The following CRACDL variants were observed in gnomAD, a reference collection of about 807,000 sequenced individuals.
CRACDL encodes the protein CRACD-like protein.
CRACDL carries 26 observed loss-of-function variants against 70.6 expected under a neutral mutation model. The observed-to-expected ratio is 0.37, with a 90% CI of 0.27 to 0.51. The LOEUF (loss-of-function observed/expected upper bound fraction) is 0.51. Among genes scored for constraint, CRACDL ranks in the 20% least tolerant of loss-of-function variants. The pLI, the probability that CRACDL is intolerant of heterozygous loss-of-function variation, is 0.94. For missense variants in CRACDL, 1,283 were observed against 1,376.9 expected, an observed-to-expected ratio of 0.93 and a Z score of 1.08; for synonymous variants, 618 against 615.2, an observed-to-expected ratio of 1.00 and a Z score of -0.07.
chr2:98,915,817 G>T (rs1708650534), intron 1 of CRACDL, among the ~76,000 whole-genome samples: 1 of 152,066 alleles, frequency 6.6e-6, no homozygotes, highest in African/African-American at 2.4e-5. Flanking sequence ...CAATTACTAA[G>T]CACATCCGCT....
At chr2:98,878,761 G>A (rs1707556323) in intron 1 of CRACDL, among the ~76,000 whole-genome samples, 1 of 152,136 alleles carries the variant, frequency 6.6e-6, no homozygotes, top group Non-Finnish European at 1.5e-5. Flanking sequence ...TATTGTAGTG[G>A]CAAACGCATG....
At chr2:98,808,789 C>T (rs1322733312) in intron 7 of CRACDL, among the ~76,000 whole-genome samples, 1 of 152,216 alleles carries the variant, frequency 6.6e-6, no homozygotes, top group African/African-American at 2.4e-5. Context: ...GGTGAGTGCA[C>T]AGAGGGTCTC....
At chr2:98,832,280 T>C in intron 5 of CRACDL, 68 bp downstream of exon 5, 1 of 1,554,318 alleles carries the variant, frequency 6.4e-7, no homozygotes, top group Non-Finnish European at 8.9e-7. Flanking sequence ...ACACAGGGGA[T>C]CTCAGAGCTC....
At chr2:98,803,005 T>TC (rs1426064000) in intron 7 of CRACDL, among the ~76,000 whole-genome samples, 245 of 150,626 alleles carry the variant, frequency 1.6e-3, no homozygotes, top group Middle Eastern at 6.9e-3. Context: ...TGGCTTTTTT[T>TC]TTTTTTTTTT....
At chr2:98,815,624 C>T (rs1376555568) in intron 7 of CRACDL, among the ~76,000 whole-genome samples, 1 of 152,160 alleles carries the variant, frequency 6.6e-6, no homozygotes, top group African/African-American at 2.4e-5. Context: ...GGGGTAATGT[C>T]TAAAGAGTCA....
At chr2:98,881,624 T>C (rs1217330550) in intron 1 of CRACDL, among the ~76,000 whole-genome samples, 3 of 152,162 alleles carry the variant, frequency 2.0e-5, no homozygotes, top group Non-Finnish European at 4.4e-5. Context: ...GTGACCCTCG[T>C]GTCATCAGGG....
At chr2:98,832,652 C>A in intron 4 of CRACDL, 140 bp from the exon 5 acceptor site, 1 of 1,008,736 alleles carries the variant, frequency 9.9e-7, no homozygotes, top group Non-Finnish European at 1.5e-6. Context: ...CGTGCATCTG[C>A]CACCAGCTCT....
At chr2:98,909,267 T>C (rs1228481106) in intron 1 of CRACDL, among the ~76,000 whole-genome samples, 1 of 152,226 alleles carries the variant, frequency 6.6e-6, no homozygotes, top group Non-Finnish European at 1.5e-5. Flanking sequence ...TTGCATTTGA[T>C]TCCCAGTGCT....
At chr2:98,852,997 A>AGAGGG (rs1251441370) in intron 1 of CRACDL, among the ~76,000 whole-genome samples, 1 of 78,460 alleles carries the variant, frequency 1.3e-5, no homozygotes, top group East Asian at 4.3e-4. Context: ...GAGAGGGAGG[A>AGAGGG]GAGGGGAGGG....
intron 1 of CRACDL, among the ~76,000 whole-genome samples, chr2:98,863,980 T>C (rs1046845967): frequency 1.3e-5 from 2 of 151,888 alleles, no homozygotes; most frequent in African/African-American, 4.8e-5. Flanking sequence ...GTTCTGGGGG[T>C]GGACAGTGAT....
chr2:98,838,552 C>T (rs943884342), intron 2 of CRACDL, among the ~76,000 whole-genome samples: 3 of 152,120 alleles, frequency 2.0e-5, no homozygotes, highest in Non-Finnish European at 2.9e-5. Context: ...TCAAAATTAG[C>T]AACTTTCCTC....
At chr2:98,846,103 G>A (rs1020338139) in intron 2 of CRACDL, among the ~76,000 whole-genome samples, 6 of 152,162 alleles carry the variant, frequency 3.9e-5, no homozygotes, top group Non-Finnish European at 8.8e-5. Context: ...TAGAGAAAAG[G>A]TACATTGTGG....
rs34640405 is a variant in CRACDL, at chr2:98,819,815, C to CTTTT, written c.2416+2038_2416+2041dup. Among the ~76,000 whole-genome samples the CTTTT allele has an allele frequency of 4.9e-3, 482 of 98,988 alleles. 4 individuals are homozygous for CTTTT. Among genetic ancestry groups the CTTTT allele is most frequent in the Non-Finnish European group, 6.1e-3 (315 of 51,940 alleles). 64.9% of individuals were successfully genotyped at this position (98,988 alleles called of 152,430 possible). A position where few individuals can be genotyped will look rare whatever the true frequency, so the allele number is the denominator to read the frequency against. On this transcript the variant is annotated intron_variant, in intron 7 of 9. Transcript: ENST00000397899. Reference sequence around the variant, plus strand: ...CACTGCTTGAGTAGCCTGAAACATTCTTTTTTTTTTTTTTTTTTTTTTGAG... The same window carrying CTTTT: ...CACTGCTTGAGTAGCCTGAAACATTCTTTTTTTTTTTTTTTTTTTTTTTTTTGAG...
rs1019746440 is a variant in CRACDL, at chr2:98,798,863, T to C, written c.2417-1326A>G. Among the ~76,000 whole-genome samples, 11 of 152,166 alleles carry C rather than the reference T, an allele frequency of 7.2e-5. No individual in the cohort carries two copies. The South Asian group carries it at 2.3e-3, about 32-fold the overall frequency. Reference sequence around the variant, plus strand: ...TGCACCATCACGCCCAGTGAATTTTTTGTAGAGATGGGGTCTTGCCATGTT... The same window carrying C: ...TGCACCATCACGCCCAGTGAATTTTCTGTAGAGATGGGGTCTTGCCATGTT... On this transcript the variant is annotated intron_variant, in intron 7 of 9. Transcript: ENST00000397899.
At chr2:98,873,802 T>G (rs960056501) in intron 1 of CRACDL, among the ~76,000 whole-genome samples, 76 of 152,206 alleles carry the variant, frequency 5.0e-4, no homozygotes, top group African/African-American at 1.7e-3. Context: ...GGTCAGGAAT[T>G]CCAGACCAGC....
At chr2:98,847,659 G>A (rs1292662214) in intron 1 of CRACDL, among the ~76,000 whole-genome samples, 1 of 152,186 alleles carries the variant, frequency 6.6e-6, no homozygotes, top group African/African-American at 2.4e-5. Flanking sequence ...AGAATACTGA[G>A]CTAGTGGTGT....
At chr2:98,838,625 C>A (rs945710510) in intron 2 of CRACDL, among the ~76,000 whole-genome samples, 8 of 152,096 alleles carry the variant, frequency 5.3e-5, no homozygotes, top group Non-Finnish European at 7.3e-5. Context: ...TATGATTGCA[C>A]CGCTACACTC....
intron 1 of CRACDL, among the ~76,000 whole-genome samples, chr2:98,901,375 C>G (rs578073625): frequency 2.6e-5 from 4 of 152,264 alleles, no homozygotes; most frequent in African/African-American, 7.2e-5. Context: ...TTGGGAGAAC[C>G]CTGATCTTCT....
chr2:98,881,720 T>C (rs1261812118), intron 1 of CRACDL, among the ~76,000 whole-genome samples: 1 of 152,172 alleles, frequency 6.6e-6, no homozygotes, highest in Non-Finnish European at 1.5e-5. Context: ...TTCTGCACCA[T>C]CCAGGCGATG....
Sources: gnomAD v4.1 joint callset for allele counts (sites outside exome capture counted in the v4.1 genomes callset) on GRCh38, gnomAD v4.1.1 for gene constraint, MANE v1.5 for transcripts, NCBI Gene and HGNC (gene_info 2026-07-23, HGNC 2026-07-21) for gene names.